BCAT1: variants seen among roughly 807,000 people sequenced by gnomAD.
The protein encoded by BCAT1 is branched-chain-amino-acid aminotransferase, cytosolic.
BCAT1 carries 48 observed loss-of-function variants against 52.4 expected under a neutral mutation model. The observed-to-expected ratio is 0.92, with a 90% confidence interval of 0.73 to 1.16. The LOEUF is 1.16. Among genes scored for constraint, BCAT1 ranks in the 50% most tolerant of loss-of-function variants. The pLI is 0.00. For missense variants in BCAT1, 451 were observed against 457.1 expected (o/e 0.99, Z 0.12); for synonymous variants, 167 against 161.3 (o/e 1.04, Z -0.27).
At chr12:24,859,629 A>G (rs1254291964) in intron 5 of BCAT1, among the ~76,000 whole-genome samples, 1 of 152,030 alleles carries the variant, frequency 6.6e-6, no homozygotes, top group Non-Finnish European at 1.5e-5. Flanking sequence ...AAAAAAAAAA[A>G]AAAAAAAAAA....
At chr12:24,893,032 C>A (rs1375073695) in intron 3 of BCAT1, among the ~76,000 whole-genome samples, 3 of 152,170 alleles carry the variant, frequency 2.0e-5, no homozygotes, top group Non-Finnish European at 4.4e-5. Flanking sequence ...CAGTGAATAT[C>A]TTTCCAAAAT....
chr12:24,885,458 C>T (rs1212146174), intron 3 of BCAT1, among the ~76,000 whole-genome samples: 1 of 152,090 alleles, frequency 6.6e-6, no homozygotes, highest in Non-Finnish European at 1.5e-5. Flanking sequence ...TTTCCCCAAA[C>T]TGATTTATGT....
chr12:24,939,325 A>G (rs1308529856), intron 1 of BCAT1, among the ~76,000 whole-genome samples: 2 of 152,202 alleles, frequency 1.3e-5, no homozygotes, highest in South Asian at 2.1e-4. Context: ...AAACTTAGCC[A>G]TTGTTTGCTG....
At chr12:24,916,409 T>C (rs1943407665) in intron 1 of BCAT1, among the ~76,000 whole-genome samples, 1 of 152,098 alleles carries the variant, frequency 6.6e-6, no homozygotes, top group Non-Finnish European at 1.5e-5. Context: ...TCAACCTCAA[T>C]CCCTCGAAGC....
chr12:24,940,767 G>C (rs1156320520), intron 1 of BCAT1, among the ~76,000 whole-genome samples: 1 of 152,184 alleles, frequency 6.6e-6, no homozygotes, highest in Admixed American at 6.5e-5. Flanking sequence ...GGGAATTTGA[G>C]AAGTCCTATT....
At chr12:24,853,424 G>A (rs1383975166) in intron 5 of BCAT1, among the ~76,000 whole-genome samples, 2 of 152,094 alleles carry the variant, frequency 1.3e-5, no homozygotes, top group Admixed American at 6.5e-5. Context: ...ACAAAGATGG[G>A]AACAATAAAC....
intron 10 of BCAT1, among the ~76,000 whole-genome samples, chr12:24,827,267 A>G (rs1225863083): frequency 6.6e-6 from 1 of 152,118 alleles, no homozygotes; most frequent in African/African-American, 2.4e-5. Context: ...TTATTTTCAG[A>G]TTTACTCAGG....
At chr12:24,925,621 G>A (rs975502234) in intron 1 of BCAT1, among the ~76,000 whole-genome samples, 6 of 150,722 alleles carry the variant, frequency 4.0e-5, no homozygotes, top group Non-Finnish European at 7.4e-5. Flanking sequence ...CTCTTTCCAC[G>A]GTCTCCCTCT....
At chr12:24,914,613 C>A (rs1420502749) in intron 1 of BCAT1, among the ~76,000 whole-genome samples, 1 of 152,226 alleles carries the variant, frequency 6.6e-6, no homozygotes, top group Non-Finnish European at 1.5e-5. Flanking sequence ...CCTAGAGTCT[C>A]TGAAGTAGCT....
At chr12:24,866,311 G>A (rs1260765574) in intron 5 of BCAT1, among the ~76,000 whole-genome samples, 1 of 152,064 alleles carries the variant, frequency 6.6e-6, no homozygotes, top group Non-Finnish European at 1.5e-5. Flanking sequence ...TTTCTCGCCA[G>A]GCCTTAGCTG....
At chr12:24,860,038 T>C (rs1385443148) in intron 5 of BCAT1, among the ~76,000 whole-genome samples, 1 of 152,238 alleles carries the variant, frequency 6.6e-6, no homozygotes. Flanking sequence ...AATTGTTGTA[T>C]GCCACAGAAG....
intron 10 of BCAT1, among the ~76,000 whole-genome samples, chr12:24,823,272 G>T (rs1940225101): frequency 6.6e-6 from 1 of 151,872 alleles, no homozygotes. Flanking sequence ...ACAGGGATTT[G>T]CCATGTTACC....
At chr12:24,836,703 C>A in intron 7 of BCAT1, 107 bp from the exon 8 acceptor site, 2 of 951,598 alleles carry the variant, frequency 2.1e-6, no homozygotes, top group South Asian at 1.5e-5. Flanking sequence ...TAGCAACAAA[C>A]ATAAAGAAAA....
intron 1 of BCAT1, among the ~76,000 whole-genome samples, chr12:24,947,350 G>A (rs945221596): frequency 6.6e-6 from 1 of 152,080 alleles, no homozygotes; most frequent in Non-Finnish European, 1.5e-5. Context: ...TATCCAAGTT[G>A]CCCATTCTGC....
At position 24,815,563 on chromosome 12, in the gene BCAT1, AAGG is replaced by A. The variant is rs1939846053; in HGVS notation, c.*2442_*2444del. 1 of 152,528 alleles carries A rather than the reference AAGG, an allele frequency of 6.6e-6. No homozygotes were observed. Among genetic ancestry groups the A allele is most frequent in the African/African-American group, 2.4e-5 (1 of 41,454 alleles). The allele number at this position is 152,528 out of a possible 1,614,324, so 9.4% of individuals were successfully genotyped here. On this transcript the variant is annotated 3_prime_UTR_variant, in exon 11 of 11. Transcript: ENST00000261192. The stretch of plus-strand genomic sequence containing the variant: ...CACTGCAATTAAACAAATAGTGCAC[AAGG>A]AAAAAAGATGTGCAGATGTTCCTGT...
At chr12:24,917,017 A>T (rs527636421) in intron 1 of BCAT1, among the ~76,000 whole-genome samples, 1 of 152,300 alleles carries the variant, frequency 6.6e-6, no homozygotes, top group Non-Finnish European at 1.5e-5. Flanking sequence ...AAAAGAAAAA[A>T]AATATTTTCT....
chr12:24,857,902 C>T (rs180681137), intron 5 of BCAT1, among the ~76,000 whole-genome samples: 4 of 152,060 alleles, frequency 2.6e-5, no homozygotes, highest in Admixed American at 2.0e-4. Flanking sequence ...AGGGGAATAC[C>T]CCACTCTGTG....
intron 7 of BCAT1, among the ~76,000 whole-genome samples, chr12:24,840,398 T>A (rs1316103931): frequency 6.6e-6 from 1 of 152,202 alleles, no homozygotes; most frequent in African/African-American, 2.4e-5. Flanking sequence ...ATCTTCTAAG[T>A]GCAGAGGTCA....
At chr12:24,887,080 A>AAAAAAAAAAAAAAAAAAT (rs1245203518) in intron 3 of BCAT1, among the ~76,000 whole-genome samples, 6 of 40,748 alleles carry the variant, frequency 1.5e-4, no homozygotes, top group African/African-American at 3.8e-4. Context: ...AAAAAAAAAA[A>AAAAAAAAAAAAAAAAAAT]ATATATATAT....
Sources: allele counts gnomAD v4.1 joint callset (sites outside exome capture counted in the v4.1 genomes callset), GRCh38; gene constraint gnomAD v4.1.1; transcripts MANE v1.5; gene names NCBI Gene and HGNC (gene_info 2026-07-23, HGNC 2026-07-21).